PRRX2: variants seen among roughly 807,000 people sequenced by gnomAD.
The protein encoded by PRRX2 is paired mesoderm homeobox protein 2.
In PRRX2, 11 loss-of-function variants were observed where a neutral mutation model predicts 18.0. The observed-to-expected ratio is 0.61, with a 90% CI of 0.39 to 1.01. The LOEUF (loss-of-function observed/expected upper bound fraction) is 1.01, where lower values mean the gene tolerates loss of function less well. PRRX2 is among the 50% of genes least tolerant of loss of function. PRRX2 has a pLI of 0.01. For missense variants in PRRX2, 387 were observed against 351.0 expected (o/e 1.10, Z -0.82); for synonymous variants, 177 against 154.8 (o/e 1.14, Z -1.06).
Position 129,665,925 on chromosome 9 carries a change from C to T in PRRX2, c.58C>T (p.Pro20Ser). 9.0e-7 allele frequency: 1 copy of T among 1,115,610 alleles called. No homozygotes were observed. The highest frequency in any genetic ancestry group is 1.1e-6 in the Non-Finnish European group (1 of 914,276). The allele number at this position is 1,115,610 out of a possible 1,614,324, so 69.1% of individuals were successfully genotyped here. The change falls in exon 1 of 4, where the codon CCG becomes TCG. Residue 20 changes from proline (P) to serine (S), a missense_variant. Transcript: ENST00000372469. The surrounding 1 kb of genome is among the most constrained non-coding windows in gnomAD (Gnocchi z 5.3). ...LDKPALGPGPPPPPPALGPGD... is the reference protein window; with the variant it reads ...LDKPALGPGPSPPPPALGPGD... ...CAAGCCGGCGCTGGGCCCGGGGCCG[C>T]CGCCGCCTCCACCCGCGCTGGGGCC...
At chr9:129,688,792 G>A (rs1832324412) in intron 1 of PRRX2, among the ~76,000 whole-genome samples, 1 of 152,160 alleles carries the variant, frequency 6.6e-6, no homozygotes. Flanking sequence ...GGCTTTTCCA[G>A]TTGGGTCTTG....
intron 1 of PRRX2, among the ~76,000 whole-genome samples, chr9:129,698,402 C>T (rs775981822): frequency 3.5e-4 from 54 of 152,296 alleles, no homozygotes; most frequent in Middle Eastern, 3.4e-3. Flanking sequence ...TTGCCCAGGG[C>T]TTGGGACTCA....
chr9:129,712,142 C>T (rs1832631472), intron 1 of PRRX2, among the ~76,000 whole-genome samples: 1 of 152,212 alleles, frequency 6.6e-6, no homozygotes. Context: ...AAATCCACAT[C>T]GAGGTCCCAA....
chr9:129,686,290 A>C (rs1832298192), intron 1 of PRRX2, among the ~76,000 whole-genome samples: 2 of 152,242 alleles, frequency 1.3e-5, no homozygotes, highest in South Asian at 4.1e-4. Flanking sequence ...AGAGGCAAGG[A>C]GGCATCGCTG....
intron 1 of PRRX2, among the ~76,000 whole-genome samples, chr9:129,687,403 T>C (rs965492034): frequency 6.6e-6 from 1 of 152,134 alleles, no homozygotes; most frequent in Non-Finnish European, 1.5e-5. Flanking sequence ...CCTGACCACC[T>C]TCCAGGCATC....
At chr9:129,690,504 CTTT>C (rs34070492) in intron 1 of PRRX2, among the ~76,000 whole-genome samples, 13 of 130,924 alleles carry the variant, frequency 9.9e-5, no homozygotes, top group African/African-American at 1.7e-4. Context: ...GGTGCCAGCT[CTTT>C]TTTTTTTTTT....
At chr9:129,697,691 C>A (rs1588169353) in intron 1 of PRRX2, among the ~76,000 whole-genome samples, 1 of 152,144 alleles carries the variant, frequency 6.6e-6, no homozygotes, top group Non-Finnish European at 1.5e-5. Context: ...GATGGGAAAG[C>A]CACCCACGAG....
rs144735471 is a variant in PRRX2, at chr9:129,715,754, A to T, written c.260-3477A>T. ...CCAGCTTCAGGGACATCTTTCTCAC[A>T]CACACACACACACACACACACACAC... On this transcript the variant is annotated intron_variant, in intron 1 of 3. Transcript: ENST00000372469. This position sits in a 1 kb window ranked among gnomAD's most constrained non-coding sequence, Gnocchi z 4.0. Among the ~76,000 whole-genome samples, 1,733 of 94,180 alleles carry T rather than the reference A, an allele frequency of 0.018. 10 individuals are homozygous for T. The highest frequency in any genetic ancestry group is 0.049 in the African/African-American group (1,005 of 20,524). The allele number at this position is 94,180 out of a possible 152,430, so 61.8% of individuals were successfully genotyped here. A position where few individuals can be genotyped will look rare whatever the true frequency, so the allele number is the denominator to read the frequency against.
intron 1 of PRRX2, among the ~76,000 whole-genome samples, chr9:129,717,322 A>G (rs999033758): frequency 2.6e-5 from 4 of 152,062 alleles, no homozygotes; most frequent in African/African-American, 4.8e-5. Flanking sequence ...CACCTGCCTC[A>G]GCGTCCCGAA....
At position 129,720,886 on chromosome 9, in the gene PRRX2, C is replaced by T. The variant is rs575380000; in HGVS notation, c.626+112C>T. On this transcript the variant is annotated intron_variant, in intron 3 of 3. Transcript: ENST00000372469. ...GGAGAGAGCTTGAATGGTGTCCACG[C>T]GCCCCTGGGATCTGGGGTACACCAA... 1.2e-3 allele frequency: 1,510 copies of T among 1,225,594 alleles called. 1 individual carries two copies. Among genetic ancestry groups the T allele is most frequent in the Non-Finnish European group, 1.5e-3 (1,434 of 928,652 alleles). The allele number at this position is 1,225,594 out of a possible 1,614,324, so 75.9% of individuals were successfully genotyped here. A position where few individuals can be genotyped will look rare whatever the true frequency, so the allele number is the denominator to read the frequency against.
Position 129,715,282 on chromosome 9 carries a change from G to T in PRRX2, c.260-3949G>T, listed in dbSNP as rs1832690103. Among the ~76,000 whole-genome samples, 1 of 152,166 alleles carries T rather than the reference G, an allele frequency of 6.6e-6. No homozygotes were observed. Among genetic ancestry groups the T allele is most frequent in the Admixed American group, 6.5e-5 (1 of 15,268 alleles). ...GACAAGATAATTCATTGACGTGGGG[G>T]CCTGTCCTGTGTCTTGAAAGATATT... On this transcript the variant is annotated intron_variant, in intron 1 of 3. Transcript: ENST00000372469. The surrounding 1 kb of genome is among the most constrained non-coding windows in gnomAD (Gnocchi z 4.0).
intron 1 of PRRX2, among the ~76,000 whole-genome samples, chr9:129,669,882 A>T (rs1024925590): frequency 2.0e-5 from 3 of 151,682 alleles, no homozygotes; most frequent in Non-Finnish European, 2.9e-5. Flanking sequence ...ATTTACAAGA[A>T]TGCTGTCCGG....
intron 1 of PRRX2, among the ~76,000 whole-genome samples, chr9:129,677,730 C>T (rs543448125): frequency 3.4e-4 from 52 of 152,356 alleles, no homozygotes; most frequent in African/African-American, 9.6e-4. Flanking sequence ...CAGCCTCTCC[C>T]GCAGAGCGGG....
intron 1 of PRRX2, among the ~76,000 whole-genome samples, chr9:129,717,253 A>G (rs1832720245): frequency 6.6e-6 from 1 of 152,038 alleles, no homozygotes; most frequent in South Asian, 2.1e-4. Context: ...TGTTTTTAGT[A>G]GAGATGGGGT....
chr9:129,686,317 GA>G (rs1358801259), intron 1 of PRRX2, among the ~76,000 whole-genome samples: 1 of 152,232 alleles, frequency 6.6e-6, no homozygotes, highest in Non-Finnish European at 1.5e-5. Flanking sequence ...CTGGGCCCAT[GA>G]GGGGCGGGTA....
intron 3 of PRRX2, among the ~76,000 whole-genome samples, chr9:129,721,490 G>A (rs900255934): frequency 1.1e-4 from 16 of 152,076 alleles, no homozygotes; most frequent in Non-Finnish European, 7.4e-5. Context: ...TCGTGGGTCC[G>A]CTTGAGGGTT....
At chr9:129,704,087 C>G (rs1267926992) in intron 1 of PRRX2, among the ~76,000 whole-genome samples, 1 of 152,234 alleles carries the variant, frequency 6.6e-6, no homozygotes, top group Non-Finnish European at 1.5e-5. Context: ...GTGTGAACCA[C>G]CTCTCCGTAC....
rs780765136 is a variant in PRRX2 at position 129,722,373 on chromosome 9, C to G, written c.*21C>G. ...ACTGAAGTCCAGTCCCACCAGGACC[C>G]AGACGCCTCCCTGGGTGGACAGCAA... is the stretch of plus-strand genomic sequence containing the variant. On this transcript the variant is annotated 3_prime_UTR_variant, in exon 4 of 4. Transcript: ENST00000372469. 6.2e-7 allele frequency: 1 copy of G among 1,612,074 alleles called. No homozygotes were observed. The highest frequency in any genetic ancestry group is 8.5e-7 in the Non-Finnish European group (1 of 1,179,274).
At chr9:129,694,912 C>T (rs1832401969) in intron 1 of PRRX2, among the ~76,000 whole-genome samples, 1 of 152,186 alleles carries the variant, frequency 6.6e-6, no homozygotes, top group Non-Finnish European at 1.5e-5. Flanking sequence ...GCCTTCTGGC[C>T]TGGGGGATTC....
Sources: allele counts gnomAD v4.1 joint callset (sites outside exome capture counted in the v4.1 genomes callset), GRCh38; gene constraint gnomAD v4.1.1; non-coding constraint Gnocchi (gnomAD v3.1); transcripts MANE v1.5; gene names NCBI Gene and HGNC (gene_info 2026-07-23, HGNC 2026-07-21).